PPARGC1A: variants seen among roughly 807,000 people sequenced by gnomAD.
The protein encoded by PPARGC1A is PPARG coactivator 1 alpha, also known as peroxisome proliferator-activated receptor gamma coactivator 1-alpha.
PPARGC1A carries 25 observed loss-of-function variants against 88.7 expected under a neutral mutation model. The observed-to-expected ratio is 0.28, with a 90% CI of 0.21 to 0.39. The LOEUF is 0.39. Among genes scored for constraint, PPARGC1A ranks in the 10% least tolerant of loss-of-function variants. The pLI is 1.00. For missense variants in PPARGC1A, 880 were observed against 968.7 expected (o/e 0.91, Z 1.22); for synonymous variants, 363 against 355.6 (o/e 1.02, Z -0.24).
chr4:24,002,068 T>TCACACACA, the PPARGC1A span, among the ~76,000 whole-genome samples: 783 of 122,894 alleles, frequency 6.4e-3, 4 homozygotes, highest in East Asian at 0.031. Context: ...GATGATAAAT[T>TCACACACA]CACACACACA....
In PPARGC1A at chr4:23,877,013, A is replaced by G. The variant is rs566915165; in HGVS notation, c.234+7739T>C. Among the ~76,000 whole-genome samples, 4 of 152,294 alleles carry G rather than the reference A, an allele frequency of 2.6e-5. No homozygotes were observed. The East Asian group carries it at 7.7e-4, about 30-fold the overall frequency. ...TCACTCCATCATTTTGGAAAAGAAA[A>G]GGCACAAAAGTATCTTCTATCATCA... On this transcript the variant is annotated intron_variant, in intron 2 of 12. Transcript: ENST00000264867.
At chr4:24,057,929 G>A in the PPARGC1A span, among the ~76,000 whole-genome samples, 2 of 152,212 alleles carry the variant, frequency 1.3e-5, no homozygotes, top group Non-Finnish European at 2.9e-5. Context: ...GAAGGCAGGG[G>A]GAACGCATGT....
At chr4:23,913,261 TATATATAG>T in the PPARGC1A span, among the ~76,000 whole-genome samples, 983 of 54,502 alleles carry the variant, frequency 0.018, 6 homozygotes, top group South Asian at 0.051. Flanking sequence ...TATATATATA[TATATATAG>T]AGAGAGAGAG....
the PPARGC1A span, among the ~76,000 whole-genome samples, chr4:24,009,150 A>AAAAAAAG: frequency 4.1e-3 from 326 of 79,768 alleles, 8 homozygotes; most frequent in African/African-American, 0.018. Flanking sequence ...AAAAAAAAAA[A>AAAAAAAG]AGAGAGAGAA....
the PPARGC1A span, chr4:24,258,334 G>A: frequency 3.7e-6 from 1 of 269,244 alleles, no homozygotes; most frequent in Non-Finnish European, 5.7e-6. Flanking sequence ...AGGCAATAAG[G>A]TTTTAAATTA....
chr4:24,427,955 A>T, the PPARGC1A span, among the ~76,000 whole-genome samples: 1 of 151,960 alleles, frequency 6.6e-6, no homozygotes, highest in African/African-American at 2.4e-5. Flanking sequence ...TATAAAAAAA[A>T]ATTTTTTTAA....
At chr4:24,376,332 G>A in the PPARGC1A span, among the ~76,000 whole-genome samples, 5 of 152,154 alleles carry the variant, frequency 3.3e-5, no homozygotes, top group Non-Finnish European at 7.4e-5. Context: ...AGCCCTGTAG[G>A]GGGTGAAGAG....
At chr4:24,115,940 G>A in the PPARGC1A span, among the ~76,000 whole-genome samples, 416 of 152,108 alleles carry the variant, frequency 2.7e-3, no homozygotes, top group East Asian at 0.02. Flanking sequence ...AGATTCCAGC[G>A]TTATGGTGAG....
the PPARGC1A span, among the ~76,000 whole-genome samples, chr4:24,149,714 C>T: frequency 6.6e-6 from 1 of 152,148 alleles, no homozygotes; most frequent in Admixed American, 6.6e-5. Context: ...ACTATGCCTG[C>T]CATTCTAAAT....
chr4:23,950,789 G>T, the PPARGC1A span, among the ~76,000 whole-genome samples: 1 of 152,018 alleles, frequency 6.6e-6, no homozygotes, highest in Admixed American at 6.6e-5. Flanking sequence ...CTGCCCTTTA[G>T]TCTTAACAAA....
intron 12 of PPARGC1A, among the ~76,000 whole-genome samples, chr4:23,800,092 T>G (rs187319281): frequency 4.2e-4 from 64 of 152,250 alleles, no homozygotes; most frequent in African/African-American, 1.5e-3. Context: ...ATCACCTGTA[T>G]CAATTACTCT....
At chr4:24,351,596 A>G in the PPARGC1A span, among the ~76,000 whole-genome samples, 41 of 152,292 alleles carry the variant, frequency 2.7e-4, no homozygotes, top group African/African-American at 9.6e-4. Context: ...GACTCCATTT[A>G]CCAAAAAAAT....
chr4:24,124,294 G>T, the PPARGC1A span, among the ~76,000 whole-genome samples: 7 of 152,142 alleles, frequency 4.6e-5, no homozygotes, highest in African/African-American at 1.7e-4. Context: ...TAATAGTACA[G>T]CTTAGCTGGG....
intron 2 of PPARGC1A, among the ~76,000 whole-genome samples, chr4:23,839,450 C>T (rs1726653025): frequency 6.6e-6 from 1 of 152,108 alleles, no homozygotes; most frequent in African/African-American, 2.4e-5. Flanking sequence ...GCAAGGCATT[C>T]TATTTGTTCT....
At chr4:23,866,858 G>C (rs1712114448) in intron 2 of PPARGC1A, among the ~76,000 whole-genome samples, 2 of 151,966 alleles carry the variant, frequency 1.3e-5, no homozygotes, top group Admixed American at 6.6e-5. Context: ...ACCGCCCGGG[G>C]GTGCTTGACT....
At chr4:23,812,906 A>G (rs1721194434) in intron 9 of PPARGC1A, 39 bp from the exon 10 acceptor site, 2 of 1,613,594 alleles carry the variant, frequency 1.2e-6, no homozygotes, top group Non-Finnish European at 8.5e-7. Flanking sequence ...AACCACCTCA[A>G]TTTTCATGAG....
the PPARGC1A span, among the ~76,000 whole-genome samples, chr4:24,021,098 T>TTGAA: frequency 6.6e-6 from 1 of 152,236 alleles, no homozygotes; most frequent in African/African-American, 2.4e-5. Context: ...TGTGTTGGCC[T>TTGAA]TGAAGCAGGG....
chr4:24,131,650 G>A, the PPARGC1A span, among the ~76,000 whole-genome samples: 1 of 152,174 alleles, frequency 6.6e-6, no homozygotes, highest in East Asian at 1.9e-4. Flanking sequence ...TATGTAATTA[G>A]CCAAACAAAA....
chr4:24,437,648 G>GT, the PPARGC1A span, among the ~76,000 whole-genome samples: 1 of 150,298 alleles, frequency 6.7e-6, no homozygotes, highest in South Asian at 2.1e-4. Context: ...TTTAGTTTTG[G>GT]TTTTTTGGGG....
Sources: allele counts gnomAD v4.1 joint callset (sites outside exome capture counted in the v4.1 genomes callset), GRCh38; gene constraint gnomAD v4.1.1; transcripts MANE v1.5; gene names NCBI Gene and HGNC (gene_info 2026-07-23, HGNC 2026-07-21).